ANKRD27: variants seen among roughly 807,000 people sequenced by gnomAD.
ANKRD27 encodes ankyrin repeat domain-containing protein 27.
A neutral mutation model predicts 129.7 loss-of-function variants in ANKRD27; 112 were observed. The ratio of observed to expected loss-of-function variants is 0.86; its 90% CI spans 0.74 to 1.01. The LOEUF (loss-of-function observed/expected upper bound fraction) is 1.01. Ranked by LOEUF, ANKRD27 falls within the 50% of genes least tolerant of loss-of-function variation. The probability of loss-of-function intolerance (pLI) is 0.00; values close to 1 mark genes in which losing one functional copy is unlikely to be tolerated. For synonymous variants in ANKRD27, 516 were observed against 511.2 expected (o/e 1.01, Z -0.13); for missense variants, 1,258 against 1,300.5 (o/e 0.97, Z 0.50).
chr19:32,601,087 T>A (rs991084177), intron 26 of ANKRD27, among the ~76,000 whole-genome samples: 2 of 149,266 alleles, frequency 1.3e-5, no homozygotes, highest in Non-Finnish European at 3.0e-5. Flanking sequence ...TCACTTGAGG[T>A]CAGGAGTTTG....
chr19:32,601,419 G>C (rs570616271), intron 26 of ANKRD27, among the ~76,000 whole-genome samples: 1 of 151,872 alleles, frequency 6.6e-6, no homozygotes, highest in African/African-American at 2.4e-5. Context: ...ACACGGTGAA[G>C]CCCCTCTCTA....
At chr19:32,668,475 CT>C (rs71176144) in intron 1 of ANKRD27, among the ~76,000 whole-genome samples, 31,232 of 141,452 alleles carry the variant, frequency 0.22, 3,424 homozygotes, top group Middle Eastern at 0.28. Context: ...TTATCTTCAT[CT>C]TTTTTTTTTT....
At position 32,628,172 on chromosome 19, in the gene ANKRD27, T is replaced by C; in HGVS notation, c.1338-7A>G. 6.2e-7 allele frequency: 1 copy of C among 1,612,792 alleles called. No individual in the cohort carries two copies. Among genetic ancestry groups the C allele is most frequent in the Non-Finnish European group, 8.5e-7 (1 of 1,178,866 alleles). On this transcript the variant is annotated splice_polypyrimidine_tract_variant and splice_region_variant and intron_variant, in intron 14 of 28. Transcript: ENST00000306065. ...TGAGGGATCATTCAACCTCCTAAAA[T>C]ACAGAAAGAGATAGAAAACTACACA...
At chr19:32,627,454 G>C (rs1038700576) in intron 15 of ANKRD27, among the ~76,000 whole-genome samples, 1 of 149,758 alleles carries the variant, frequency 6.7e-6, no homozygotes, top group African/African-American at 2.5e-5. Context: ...GCTGGAGTGC[G>C]GTGGTGCTAT....
intron 18 of ANKRD27, among the ~76,000 whole-genome samples, chr19:32,621,574 G>A (rs1972010744): frequency 6.6e-6 from 1 of 152,132 alleles, no homozygotes; most frequent in Admixed American, 6.6e-5. Flanking sequence ...GTTGCAGTGA[G>A]CCAAGATTGT....
intron 25 of ANKRD27, among the ~76,000 whole-genome samples, chr19:32,603,125 C>T (rs1012675911): frequency 6.6e-6 from 1 of 151,908 alleles, no homozygotes; most frequent in Non-Finnish European, 1.5e-5. Context: ...TGGTGAAACC[C>T]GTCTCTACAA....
At chr19:32,656,333 G>A (rs1273995814) in intron 2 of ANKRD27, among the ~76,000 whole-genome samples, 1 of 152,192 alleles carries the variant, frequency 6.6e-6, no homozygotes, top group African/African-American at 2.4e-5. Flanking sequence ...GACAGGAAGA[G>A]AGGAAATATT....
chr19:32,649,728 T>A lies in ANKRD27; in HGVS notation c.167A>T (p.Tyr56Phe), dbSNP rs777219026. ...SIQSTCQFESYILIPVEEHFQ... is the reference protein window; with the variant it reads ...SIQSTCQFESFILIPVEEHFQ... ...ATGCTCTTCCACAGGTATCAAAATG[T>A]AGGACTCAAACTGACAAGTAGACTG... Residue 56 changes from tyrosine to phenylalanine, a missense_variant, in exon 3 of 29, where the codon TAC becomes TTC. By Grantham distance (22) the Tyr-to-Phe change is conservative. Transcript: ENST00000306065. The A allele has an allele frequency of 1.2e-6, 2 of 1,614,000 alleles. No homozygotes were observed. The highest frequency in any genetic ancestry group is 4.5e-5 in the East Asian group (2 of 44,870).
At chr19:32,640,118 T>C (rs1568410731) in intron 11 of ANKRD27, among the ~76,000 whole-genome samples, 189 bp downstream of exon 11, 1 of 152,166 alleles carries the variant, frequency 6.6e-6, no homozygotes, top group Non-Finnish European at 1.5e-5. Context: ...CCCACCACCA[T>C]GCCCAGCTAA....
intron 2 of ANKRD27, among the ~76,000 whole-genome samples, chr19:32,655,980 T>C (rs1967509789): frequency 6.8e-6 from 1 of 146,322 alleles, no homozygotes; most frequent in African/African-American, 2.6e-5. Flanking sequence ...ATAGAGCCAC[T>C]ATACTCCAGC....
chr19:32,649,566 T>C, intron 3 of ANKRD27, 116 bp downstream of exon 3: 1 of 759,748 alleles, frequency 1.3e-6, no homozygotes, highest in Non-Finnish European at 2.3e-6. Flanking sequence ...CTGCAGTGTG[T>C]GTCAAATGCC....
chr19:32,640,688 G>C (rs1488823575), intron 10 of ANKRD27, among the ~76,000 whole-genome samples: 1 of 152,182 alleles, frequency 6.6e-6, no homozygotes, highest in Non-Finnish European at 1.5e-5. Context: ...AATTGCTTGA[G>C]GCCAGGAGTC....
intron 23 of ANKRD27, among the ~76,000 whole-genome samples, 159 bp downstream of exon 23, chr19:32,607,476 G>C (rs534538888): frequency 6.6e-6 from 1 of 152,134 alleles, no homozygotes; most frequent in Non-Finnish European, 1.5e-5. Flanking sequence ...TCTGTGCTCC[G>C]AGGCTGAGTG....
intron 26 of ANKRD27, chr19:32,600,268 A>G (rs1480266778): frequency 2.4e-6 from 1 of 420,744 alleles, no homozygotes; most frequent in East Asian, 4.1e-5. Context: ...GGCTGGGTGC[A>G]GTGGCTCATG....
chr19:32,607,545 C>A, intron 23 of ANKRD27, 90 bp downstream of exon 23: 4 of 1,455,908 alleles, frequency 2.7e-6, no homozygotes, highest in Non-Finnish European at 2.8e-6. Flanking sequence ...TCCAGGGTAG[C>A]CACCAAACCC....
chr19:32,674,758 C>G (rs1022460050), intron 1 of ANKRD27, among the ~76,000 whole-genome samples: 10 of 151,784 alleles, frequency 6.6e-5, no homozygotes, highest in African/African-American at 1.9e-4. Context: ...AACCGCCGGA[C>G]CCGGCACCCC....
At chr19:32,620,578 A>AAC (rs774148897) in intron 18 of ANKRD27, among the ~76,000 whole-genome samples, 1 of 150,940 alleles carries the variant, frequency 6.6e-6, no homozygotes, top group African/African-American at 2.4e-5. Flanking sequence ...CAAAAAAAAA[A>AAC]ACCAAAACAA....
chr19:32,655,987 C>T (rs898663364), intron 2 of ANKRD27, among the ~76,000 whole-genome samples: 2 of 148,978 alleles, frequency 1.3e-5, no homozygotes, highest in Non-Finnish European at 3.0e-5. Context: ...CACTATACTC[C>T]AGCCTGGGCA....
chr19:32,669,903 G>C (rs2145330017), intron 1 of ANKRD27, among the ~76,000 whole-genome samples: 1 of 151,220 alleles, frequency 6.6e-6, no homozygotes, highest in South Asian at 2.1e-4. Context: ...GGCTGAGGCA[G>C]AAGAATTGCT....
Sources: allele counts gnomAD v4.1 joint callset (sites outside exome capture counted in the v4.1 genomes callset), GRCh38; gene constraint gnomAD v4.1.1; transcripts MANE v1.5; gene names NCBI Gene and HGNC (gene_info 2026-07-23, HGNC 2026-07-21).